Variants in GALNTL6 observed in about 807,000 individuals in gnomAD.
The protein encoded by GALNTL6 is polypeptide N-acetylgalactosaminyltransferase-like 6.
A neutral mutation model predicts 73.7 loss-of-function variants in GALNTL6; 46 were observed. That is an observed-to-expected ratio of 0.62 (90% CI 0.49 to 0.80). GALNTL6 has a LOEUF of 0.80. Among genes scored for constraint, GALNTL6 ranks in the 30% least tolerant of loss-of-function variants. The pLI is 0.00. For missense variants in GALNTL6, 604 were observed against 755.0 expected (o/e 0.80, Z 2.34); for synonymous variants, 259 against 263.7 (o/e 0.98, Z 0.17).
At chr4:172,591,342 C>T (rs112324542) in intron 5 of GALNTL6, among the ~76,000 whole-genome samples, 2,540 of 152,122 alleles carry the variant, frequency 0.017, 32 homozygotes, top group Non-Finnish European at 0.029. Flanking sequence ...TCATACAATC[C>T]GCCTTCATTA....
intron 2 of GALNTL6, among the ~76,000 whole-genome samples, chr4:172,077,775 T>C (rs1410939176): frequency 6.6e-6 from 1 of 152,140 alleles, no homozygotes; most frequent in African/African-American, 2.4e-5. Flanking sequence ...AGTCAAATGT[T>C]AATAGCCAAG....
intron 2 of GALNTL6, among the ~76,000 whole-genome samples, chr4:171,995,631 A>C (rs72994969): frequency 7.8e-4 from 119 of 152,204 alleles, no homozygotes; most frequent in African/African-American, 2.7e-3. Context: ...ACAAATAAAC[A>C]CAAGAATATA....
At chr4:172,641,042 C>T (rs1310990416) in intron 5 of GALNTL6, among the ~76,000 whole-genome samples, 1 of 152,024 alleles carries the variant, frequency 6.6e-6, no homozygotes, top group East Asian at 1.9e-4. Flanking sequence ...CCTTGACCCT[C>T]TCTTCTCTAA....
chr4:172,257,493 T>C (rs1183810678), intron 3 of GALNTL6, among the ~76,000 whole-genome samples: 1 of 151,344 alleles, frequency 6.6e-6, no homozygotes, highest in Non-Finnish European at 1.5e-5. Context: ...GCAGGAATTT[T>C]ATTAAGAATA....
intron 8 of GALNTL6, 27 bp downstream of exon 8, chr4:172,882,934 A>C: frequency 8.6e-7 from 1 of 1,163,754 alleles, no homozygotes; most frequent in South Asian, 1.3e-5. Context: ...TCTTCACACT[A>C]TATCTGTATA....
chr4:171,874,546 T>C (rs999379717), intron 2 of GALNTL6, among the ~76,000 whole-genome samples: 3 of 152,178 alleles, frequency 2.0e-5, no homozygotes, highest in African/African-American at 7.2e-5. Context: ...AAAATTTTCA[T>C]TGGCCAGAAT....
At chr4:172,561,933 A>G (rs1026772707) in intron 5 of GALNTL6, among the ~76,000 whole-genome samples, 9 of 152,202 alleles carry the variant, frequency 5.9e-5, no homozygotes, top group Admixed American at 1.3e-4. Flanking sequence ...AGTAATAAGA[A>G]GTATAGGTGT....
At chr4:172,219,069 A>G (rs1472834169) in intron 2 of GALNTL6, among the ~76,000 whole-genome samples, 1 of 150,882 alleles carries the variant, frequency 6.6e-6, no homozygotes, top group South Asian at 2.1e-4. Context: ...CTGAAAGAAT[A>G]TGAAATTTCT....
At chr4:172,157,962 T>C (rs1734335570) in intron 2 of GALNTL6, among the ~76,000 whole-genome samples, 1 of 152,174 alleles carries the variant, frequency 6.6e-6, no homozygotes, top group Non-Finnish European at 1.5e-5. Context: ...ATGATTCATG[T>C]TGCGTCCCAA....
At chr4:172,157,259 T>G (rs1440439416) in intron 2 of GALNTL6, among the ~76,000 whole-genome samples, 2 of 152,174 alleles carry the variant, frequency 1.3e-5, no homozygotes, top group Admixed American at 1.3e-4. Context: ...GAAAACTATA[T>G]CGAGTCTCAG....
chr4:172,812,857 A>G (rs58250917), intron 6 of GALNTL6, among the ~76,000 whole-genome samples: 2,715 of 152,300 alleles, frequency 0.018, 72 homozygotes, highest in African/African-American at 0.059. Context: ...AAATCACTTT[A>G]TAGTTGTTCA....
chr4:172,484,127 C>T (rs10019934), intron 5 of GALNTL6, among the ~76,000 whole-genome samples: 95,801 of 152,008 alleles, frequency 0.63, 31,145 homozygotes, highest in South Asian at 0.82. Context: ...GAAACAGATT[C>T]CTTTTCATAT....
intron 2 of GALNTL6, among the ~76,000 whole-genome samples, chr4:172,082,992 C>G (rs935254127): frequency 9.2e-5 from 14 of 152,074 alleles, no homozygotes; most frequent in African/African-American, 3.4e-4. Context: ...TTCCCAAAAG[C>G]TTGATCCTTC....
At chr4:172,787,889 C>T (rs1269750565) in intron 5 of GALNTL6, among the ~76,000 whole-genome samples, 2 of 151,934 alleles carry the variant, frequency 1.3e-5, no homozygotes, top group Non-Finnish European at 2.9e-5. Flanking sequence ...AAGGTGGAAG[C>T]CAGATCACAG....
chr4:172,194,204 A>G (rs1293048356), intron 2 of GALNTL6, among the ~76,000 whole-genome samples: 1 of 152,238 alleles, frequency 6.6e-6, no homozygotes, highest in Non-Finnish European at 1.5e-5. Flanking sequence ...ACAAGTATCA[A>G]TAGCTGAATA....
intron 5 of GALNTL6, among the ~76,000 whole-genome samples, chr4:172,601,397 C>T (rs1738047083): frequency 6.6e-6 from 1 of 152,084 alleles, no homozygotes; most frequent in South Asian, 2.1e-4. Context: ...ATCACTCATC[C>T]ATACATTAAT....
At chr4:172,776,968 A>G (rs758142159) in intron 5 of GALNTL6, among the ~76,000 whole-genome samples, 2 of 152,228 alleles carry the variant, frequency 1.3e-5, no homozygotes, top group Non-Finnish European at 2.9e-5. Context: ...ATTAAGAAAT[A>G]CCAATTCAAA....
chr4:172,329,627 G>C (rs1354807604), intron 4 of GALNTL6, among the ~76,000 whole-genome samples: 2 of 152,296 alleles, frequency 1.3e-5, no homozygotes, highest in African/African-American at 4.8e-5. Context: ...TGTGTGACCT[G>C]TGTGAAAAAG....
chr4:172,085,675 TTTAAA>T (rs1447571378), intron 2 of GALNTL6, among the ~76,000 whole-genome samples: 1 of 151,528 alleles, frequency 6.6e-6, no homozygotes, highest in Admixed American at 6.6e-5. Flanking sequence ...TAATTATATA[TTTAAA>T]TTATTTTAAA....
Sources: gnomAD v4.1 joint callset for allele counts (sites outside exome capture counted in the v4.1 genomes callset) on GRCh38, gnomAD v4.1.1 for gene constraint, MANE v1.5 for transcripts, NCBI Gene and HGNC (gene_info 2026-07-23, HGNC 2026-07-21) for gene names.